Variants in TENM2 observed in about 807,000 individuals in gnomAD.
The protein encoded by TENM2 is teneurin transmembrane protein 2, also known as teneurin-2.
In TENM2, 52 loss-of-function variants were observed where a neutral mutation model predicts 245.2. The ratio of observed to expected loss-of-function variants is 0.21; its 90% CI spans 0.17 to 0.27. The LOEUF (loss-of-function observed/expected upper bound fraction) is 0.27. Ranked by LOEUF, TENM2 falls within the 10% of genes least tolerant of loss-of-function variation. TENM2 has a pLI of 1.00. For synonymous variants in TENM2, 1,363 were observed against 1,438.9 expected (o/e 0.95, Z 1.19); for missense variants, 3,046 against 3,666.8 (o/e 0.83, Z 4.37).
intron 2 of TENM2, among the ~76,000 whole-genome samples, chr5:167,425,911 T>C (rs1466123285): frequency 6.6e-6 from 1 of 152,216 alleles, no homozygotes; most frequent in African/African-American, 2.4e-5. Flanking sequence ...TCGTTAGCAT[T>C]ACTTTTGCTG....
chr5:167,609,057 C>T (rs1299097937), intron 2 of TENM2, among the ~76,000 whole-genome samples: 5 of 152,054 alleles, frequency 3.3e-5, no homozygotes, highest in Non-Finnish European at 4.4e-5. Context: ...ATGCTGAAAT[C>T]GTGTGAAGTC....
intron 2 of TENM2, among the ~76,000 whole-genome samples, chr5:167,756,244 A>C (rs1273858529): frequency 6.6e-6 from 1 of 152,068 alleles, no homozygotes; most frequent in African/African-American, 2.4e-5. Context: ...ATGTAATCCC[A>C]CTTCCTTTTT....
intron 10 of TENM2, among the ~76,000 whole-genome samples, chr5:168,119,309 G>A (rs1562182389): frequency 6.6e-6 from 1 of 152,226 alleles, no homozygotes; most frequent in Non-Finnish European, 1.5e-5. Flanking sequence ...CAGAGATCAG[G>A]CTTGGAGATC....
chr5:167,286,902 CT>C (rs1329235505), intron 1 of TENM2, among the ~76,000 whole-genome samples: 3 of 152,158 alleles, frequency 2.0e-5, no homozygotes, highest in African/African-American at 7.2e-5. Flanking sequence ...TCTTGTTCCC[CT>C]CCATTGATAA....
chr5:168,177,811 T>C (rs1356641436), intron 13 of TENM2, among the ~76,000 whole-genome samples: 3 of 152,178 alleles, frequency 2.0e-5, no homozygotes, highest in Admixed American at 6.5e-5. Flanking sequence ...CACTGCAGCC[T>C]GGGTAACAGC....
intron 6 of TENM2, among the ~76,000 whole-genome samples, chr5:168,058,419 A>G (rs1354982126): frequency 1.3e-5 from 2 of 152,230 alleles, no homozygotes; most frequent in Non-Finnish European, 2.9e-5. Context: ...TTAGGAAGGC[A>G]TGCAAAATCA....
chr5:167,353,986 A>G (rs1759146939), intron 1 of TENM2, among the ~76,000 whole-genome samples: 3 of 152,218 alleles, frequency 2.0e-5, no homozygotes, highest in Non-Finnish European at 4.4e-5. Context: ...AAAATGGAAG[A>G]TGAAGAAGAA....
At position 168,247,671 on chromosome 5, in the gene TENM2, G is replaced by A. The variant is rs1440910303; in HGVS notation, c.6732G>A (p.Met2244Ile). 6.2e-7 allele frequency: 1 copy of A among 1,613,892 alleles called. No individual in the cohort carries two copies. The highest frequency in any genetic ancestry group is 8.5e-7 in the Non-Finnish European group (1 of 1,179,904). Residue 2244 changes from methionine (M) to isoleucine (I), a missense_variant, in exon 27 of 29, where the codon ATG becomes ATA. Physicochemically the swap from Met to Ile is conservative, Grantham distance 10. Coordinates refer to ENST00000518659, the Ensembl canonical transcript of TENM2. This position sits in a 1 kb window ranked among gnomAD's most constrained non-coding sequence, Gnocchi z 7.8. Reference sequence around the variant, plus strand: ...ACCCAGGCAACAGTGTGCGCCTCATGCCCTTGCGCTATGACCTCCGGGATC... The same window carrying A: ...ACCCAGGCAACAGTGTGCGCCTCATACCCTTGCGCTATGACCTCCGGGATC...
chr5:167,565,222 C>T (rs775441878), intron 2 of TENM2, among the ~76,000 whole-genome samples: 22 of 152,152 alleles, frequency 1.4e-4, no homozygotes, highest in Non-Finnish European at 3.2e-4. Context: ...TCTTATTATG[C>T]GTGAGATGAT....
intron 27 of TENM2, among the ~76,000 whole-genome samples, chr5:168,259,717 A>C (rs1768015323): frequency 1.3e-5 from 2 of 152,194 alleles, no homozygotes; most frequent in Admixed American, 6.5e-5. Context: ...CCCCAGTCCA[A>C]AAGGCCTGCA....
intron 7 of TENM2, among the ~76,000 whole-genome samples, chr5:168,073,671 A>G (rs1791218129): frequency 6.6e-6 from 1 of 152,342 alleles, no homozygotes; most frequent in East Asian, 1.9e-4. Flanking sequence ...CCCTCAAGCT[A>G]TGGGTTACCC....
chr5:167,640,388 C>T (rs1045811176), intron 2 of TENM2, among the ~76,000 whole-genome samples: 3 of 152,026 alleles, frequency 2.0e-5, no homozygotes, highest in Non-Finnish European at 4.4e-5. Flanking sequence ...GAGGCCGAGG[C>T]AGGTGGATCA....
At chr5:167,831,300 A>C (rs1768459146) in intron 2 of TENM2, among the ~76,000 whole-genome samples, 1 of 152,126 alleles carries the variant, frequency 6.6e-6, no homozygotes, top group Admixed American at 6.5e-5. Flanking sequence ...ATCATGTCTC[A>C]CAAAACACTT....
the TENM2 span, among the ~76,000 whole-genome samples, chr5:167,144,602 T>C: frequency 6.6e-6 from 1 of 152,182 alleles, no homozygotes; most frequent in African/African-American, 2.4e-5. Context: ...TAACTTCCCA[T>C]AGAACAAGAA....
At chr5:167,535,288 G>A (rs1456306760) in intron 2 of TENM2, among the ~76,000 whole-genome samples, 1 of 151,852 alleles carries the variant, frequency 6.6e-6, no homozygotes, top group African/African-American at 2.4e-5. Context: ...CGCCTCAAAG[G>A]GGTGACATAA....
intron 3 of TENM2, among the ~76,000 whole-genome samples, chr5:167,948,371 A>C (rs142343863): frequency 1.3e-3 from 198 of 152,352 alleles, no homozygotes; most frequent in African/African-American, 4.3e-3. Context: ...GAAAATCTAA[A>C]AGCGCAGAAG....
At chr5:167,688,546 G>A (rs1757225321) in intron 2 of TENM2, among the ~76,000 whole-genome samples, 1 of 152,188 alleles carries the variant, frequency 6.6e-6, no homozygotes. Flanking sequence ...TTGCAAGACA[G>A]AGCTGCTGGC....
the TENM2 span, among the ~76,000 whole-genome samples, chr5:167,075,865 G>C: frequency 5.3e-5 from 8 of 152,276 alleles, no homozygotes; most frequent in East Asian, 1.4e-3. Flanking sequence ...GCCCTACAAG[G>C]CTTCTGCCCT....
At chr5:167,148,790 G>A in the TENM2 span, among the ~76,000 whole-genome samples, 1,212 of 152,214 alleles carry the variant, frequency 8.0e-3, 18 homozygotes, top group African/African-American at 0.027. Context: ...TGCTAATGTA[G>A]CCCAAGCAAC....
Sources: gnomAD v4.1 joint callset for allele counts (sites outside exome capture counted in the v4.1 genomes callset) on GRCh38, gnomAD v4.1.1 for gene constraint, Gnocchi (gnomAD v3.1) non-coding constraint, MANE v1.5 for transcripts, NCBI Gene and HGNC (gene_info 2026-07-23, HGNC 2026-07-21) for gene names.